The following ZBTB16 variants were observed in gnomAD, a reference collection of about 807,000 sequenced individuals.
The protein encoded by ZBTB16 is zinc finger and BTB domain containing 16, also known as zinc finger and BTB domain-containing protein 16.
Under a neutral mutation model 56.8 loss-of-function variants are expected in ZBTB16, and 8 were observed. The observed-to-expected ratio is 0.14, with a 90% CI of 0.08 to 0.25. The LOEUF is 0.25. ZBTB16 is among the 10% of genes least tolerant of loss of function. The pLI, the probability that ZBTB16 is intolerant of heterozygous loss-of-function variation, is 1.00. For missense variants in ZBTB16, 625 were observed against 903.0 expected (o/e 0.69, Z 3.95); for synonymous variants, 363 against 368.5 (o/e 0.98, Z 0.17).
intron 2 of ZBTB16, among the ~76,000 whole-genome samples, chr11:114,071,656 T>C (rs1199722806): frequency 6.6e-6 from 1 of 152,262 alleles, no homozygotes; most frequent in South Asian, 2.1e-4. Flanking sequence ...CAAGTATATA[T>C]GACTTAGAGT....
chr11:114,157,640 C>G (rs1003952502), intron 3 of ZBTB16, among the ~76,000 whole-genome samples: 5 of 152,334 alleles, frequency 3.3e-5, no homozygotes, highest in African/African-American at 1.2e-4. Flanking sequence ...TCTTCGTTCG[C>G]TTTTTCTGCT....
chr11:114,090,602 G>A lies in ZBTB16; in HGVS notation c.1268+26034G>A, dbSNP rs56292423. On this transcript the variant is annotated intron_variant, in intron 2 of 6. Coordinates refer to ENST00000335953, the MANE Select transcript of ZBTB16 (RefSeq NM_006006.6). ...TCTAGGCAGGCAAGAGCTTCCAAAT[G>A]TGTGGCTTTGATTCTCAGCCTTTTC... is the stretch of plus-strand genomic sequence containing the variant. Among the ~76,000 whole-genome samples the A allele has an allele frequency of 2.9e-3, 444 of 152,338 alleles. 3 individuals carry two copies. The highest frequency in any genetic ancestry group is 9.6e-3 in the African/African-American group (401 of 41,568).
chr11:114,077,876 A>G (rs1163578139), intron 2 of ZBTB16, among the ~76,000 whole-genome samples: 2 of 152,242 alleles, frequency 1.3e-5, no homozygotes, highest in African/African-American at 4.8e-5. Context: ...TGCTATTTGC[A>G]TAAGAGGTTG....
intron 2 of ZBTB16, among the ~76,000 whole-genome samples, chr11:114,115,641 A>C (rs1051380056): frequency 6.6e-6 from 1 of 152,100 alleles, no homozygotes; most frequent in African/African-American, 2.4e-5. Flanking sequence ...AGCCTGTCTG[A>C]AGGGATCTGT....
chr11:114,148,034 G>T (rs909846391), intron 2 of ZBTB16, among the ~76,000 whole-genome samples: 3 of 152,188 alleles, frequency 2.0e-5, no homozygotes, highest in African/African-American at 7.2e-5. Flanking sequence ...TTAAAACAAA[G>T]GACCGGTTAC....
At chr11:114,202,492 C>T (rs959489798) in intron 4 of ZBTB16, among the ~76,000 whole-genome samples, 2 of 152,174 alleles carry the variant, frequency 1.3e-5, no homozygotes, top group African/African-American at 2.4e-5. Context: ...AGAACTGTCA[C>T]TATTGCCTCT....
chr11:114,242,385 G>A lies in ZBTB16; in HGVS notation c.1624+48G>A, dbSNP rs940700680. ...TGGATCTGGGTCTCTGGGAGCCAGCGTCTATATTTACCTCCAAGGACGTAA... is the reference window on the plus strand; with the variant it reads ...TGGATCTGGGTCTCTGGGAGCCAGCATCTATATTTACCTCCAAGGACGTAA... On this transcript the variant is annotated intron_variant, in intron 5 of 6. Transcript: ENST00000335953. The A allele has an allele frequency of 8.1e-6, 13 of 1,604,606 alleles. No individual in the cohort carries two copies. The Admixed American group carries it at 8.4e-5, about 10-fold the overall frequency.
chr11:114,204,817 C>A lies in ZBTB16; in HGVS notation c.1453+17779C>A, dbSNP rs1047481680. ...TGAGATGCTGGGAACATATCCAGTC[C>A]CCACATTCAGTCTTCTTAGAAACTG... On this transcript the variant is annotated intron_variant, in intron 4 of 6. Transcript: ENST00000335953. Among the ~76,000 whole-genome samples, 5 of 152,280 alleles carry A rather than the reference C, an allele frequency of 3.3e-5. No individual in the cohort carries two copies. In the East Asian group the frequency reaches 9.6e-4, roughly 29 times the overall value.
chr11:114,061,011 C>T lies in ZBTB16; in HGVS notation c.-91+1129C>T, dbSNP rs530283226. On this transcript the variant is annotated intron_variant, in intron 1 of 6. Coordinates refer to ENST00000335953, the MANE Select transcript of ZBTB16 (RefSeq NM_006006.6). ...GAGTCCAGCCCGCCCGGACTGTCGC[C>T]GTTCCTCCCCGTCTCTTTCGCTTTC... is the stretch of plus-strand genomic sequence containing the variant. Among the ~76,000 whole-genome samples, 17 of 152,192 alleles carry T rather than the reference C, an allele frequency of 1.1e-4. No homozygotes were observed. The East Asian group carries it at 2.5e-3, about 22-fold the overall frequency.
chr11:114,229,455 C>G (rs761280805), intron 4 of ZBTB16, among the ~76,000 whole-genome samples: 4 of 152,166 alleles, frequency 2.6e-5, no homozygotes, highest in Non-Finnish European at 4.4e-5. Flanking sequence ...GGACGTGTCT[C>G]TTTTATTTCT....
chr11:114,149,977 G>A (rs995535334), intron 2 of ZBTB16, among the ~76,000 whole-genome samples: 3 of 152,164 alleles, frequency 2.0e-5, no homozygotes, highest in Non-Finnish European at 4.4e-5. Context: ...CTGGCTGCCT[G>A]GATCTGTGCT....
At chr11:114,172,006 A>G (rs1316352275) in intron 3 of ZBTB16, among the ~76,000 whole-genome samples, 3 of 152,234 alleles carry the variant, frequency 2.0e-5, no homozygotes, top group Non-Finnish European at 4.4e-5. Flanking sequence ...CAGCAGGGGA[A>G]GCTGCCCAGG....
intron 2 of ZBTB16, among the ~76,000 whole-genome samples, chr11:114,070,833 A>G (rs1402505029): frequency 6.6e-6 from 1 of 152,128 alleles, no homozygotes; most frequent in Non-Finnish European, 1.5e-5. Flanking sequence ...ATCCATTTCC[A>G]TTTCCAGGAA....
chr11:114,090,129 C>T (rs1215266650), intron 2 of ZBTB16, among the ~76,000 whole-genome samples: 3 of 152,136 alleles, frequency 2.0e-5, no homozygotes, highest in East Asian at 3.9e-4. Context: ...GATAAGTGAC[C>T]GAGGCCTGCA....
intron 2 of ZBTB16, among the ~76,000 whole-genome samples, chr11:114,071,082 T>G (rs750252579): frequency 2.6e-5 from 4 of 152,188 alleles, no homozygotes; most frequent in Admixed American, 6.5e-5. Context: ...GTGAGCTCTT[T>G]CTGGATTGTT....
At chr11:114,217,736 A>G (rs17116680) in intron 4 of ZBTB16, among the ~76,000 whole-genome samples, 16,511 of 152,116 alleles carry the variant, frequency 0.11, 1,025 homozygotes, top group East Asian at 0.24. Context: ...CGGGGCATGA[A>G]GCGTCATGAG....
intron 2 of ZBTB16, among the ~76,000 whole-genome samples, chr11:114,107,706 A>G (rs925531426): frequency 1.3e-5 from 2 of 152,166 alleles, no homozygotes; most frequent in African/African-American, 4.8e-5. Flanking sequence ...TTGGGAGGAG[A>G]TGCATAATAT....
At chr11:114,194,240 T>C (rs559667954) in intron 4 of ZBTB16, among the ~76,000 whole-genome samples, 2 of 152,360 alleles carry the variant, frequency 1.3e-5, no homozygotes, top group African/African-American at 4.8e-5. Context: ...TGGCTTTGCA[T>C]AGGGCAGGTG....
intron 2 of ZBTB16, among the ~76,000 whole-genome samples, chr11:114,095,363 C>T (rs1397838485): frequency 1.4e-5 from 2 of 146,502 alleles, no homozygotes; most frequent in East Asian, 4.2e-4. Flanking sequence ...CAGGTTCAAG[C>T]GACTATCCTG....
Sources: gnomAD v4.1 joint callset for allele counts (sites outside exome capture counted in the v4.1 genomes callset) on GRCh38, gnomAD v4.1.1 for gene constraint, MANE v1.5 for transcripts, NCBI Gene and HGNC (gene_info 2026-07-23, HGNC 2026-07-21) for gene names.